The following CISTR variants were observed in gnomAD, a reference collection of about 807,000 sequenced individuals.
CISTR encodes chondrogenic regulator lncRNA.
chr12:53,754,952 C>T (rs1048091561), intron 1 of CISTR, among the ~76,000 whole-genome samples: 7 of 152,218 alleles, frequency 4.6e-5, no homozygotes, highest in African/African-American at 1.7e-4. Flanking sequence ...ACCCTGTCCT[C>T]TCCTGCCTTT....
Position 53,751,074 on chromosome 12 carries a change from A to ACACACTCACTCCTGCG in CISTR, n.415-125_415-110dup. Reference sequence around the variant, plus strand: ...CGGACACTCACACACACACACACGCACACACTCACTCCTGCGCACACAGGC... The same window carrying ACACACTCACTCCTGCG: ...CGGACACTCACACACACACACACGCACACACTCACTCCTGCGCACACTCACTCCTGCGCACACAGGC... On this transcript the variant is annotated intron_variant and non_coding_transcript_variant, in intron 1 of 2. Transcript: ENST00000669269. This position sits in a 1 kb window ranked among gnomAD's most constrained non-coding sequence, Gnocchi z 4.6. 1 of 152,848 alleles carries ACACACTCACTCCTGCG rather than the reference A, an allele frequency of 6.5e-6. No individual in the cohort carries two copies. Among genetic ancestry groups the ACACACTCACTCCTGCG allele is most frequent in the African/African-American group, 2.4e-5 (1 of 41,456 alleles). The allele number at this position is 152,848 out of a possible 1,614,324, so 9.5% of individuals were successfully genotyped here. A position where few individuals can be genotyped will look rare whatever the true frequency, so the allele number is the denominator to read the frequency against.
chr12:53,753,662 A>G (rs201999755), intron 1 of CISTR, among the ~76,000 whole-genome samples: 1 of 130,380 alleles, frequency 7.7e-6, no homozygotes, highest in East Asian at 2.2e-4. Flanking sequence ...AGGAATGCAT[A>G]GGGGTGTGTG....
chr12:53,749,823 G>A (rs993399656), intron 2 of CISTR, among the ~76,000 whole-genome samples: 2 of 152,162 alleles, frequency 1.3e-5, no homozygotes, highest in African/African-American at 4.8e-5. Context: ...GACCCAGCTG[G>A]GGAGCAGTAT....
intron 1 of CISTR, among the ~76,000 whole-genome samples, chr12:53,755,648 C>G (rs1236235119): frequency 6.6e-6 from 1 of 152,188 alleles, no homozygotes; most frequent in Non-Finnish European, 1.5e-5. Context: ...TAAGTGTCCA[C>G]AGGGGTGGGA....
Position 53,751,964 on chromosome 12 carries a change from C to A in CISTR, n.415-999G>T. 1 of 153,440 alleles carries A rather than the reference C, an allele frequency of 6.5e-6. No individual in the cohort carries two copies. 9.5% of individuals were successfully genotyped at this position (153,440 alleles called of 1,614,324 possible). A position where few individuals can be genotyped will look rare whatever the true frequency, so the allele number is the denominator to read the frequency against. ...TCTTTTTGCCGCAGTCTCCGTCTCTCTTCCACAGGGTCTCTCCCTCCCCCT... is the reference window on the plus strand; with the variant it reads ...TCTTTTTGCCGCAGTCTCCGTCTCTATTCCACAGGGTCTCTCCCTCCCCCT... On this transcript the variant is annotated intron_variant and non_coding_transcript_variant, in intron 1 of 2. Coordinates refer to ENST00000669269, the Ensembl canonical transcript of CISTR. The surrounding 1 kb of genome is among the most constrained non-coding windows in gnomAD (Gnocchi z 4.6).
At chr12:53,748,211 C>A (rs867515703) in intron 2 of CISTR, among the ~76,000 whole-genome samples, 18 of 152,192 alleles carry the variant, frequency 1.2e-4, no homozygotes, top group African/African-American at 4.3e-4. Flanking sequence ...GCATCCTAAT[C>A]AGCGCTGCGG....
chr12:53,756,379 AC>A lies in CISTR; in HGVS notation n.414+434del, dbSNP rs1222245415. 2.6e-5 allele frequency among the ~76,000 whole-genome samples: 4 copies of A among 152,208 alleles called. No homozygotes were observed. The highest frequency in any genetic ancestry group is 4.4e-5 in the Non-Finnish European group (3 of 68,030). ...TCTGATTATTGTAATAATAGATGAT[AC>A]CACAGGAAGGAACCTTGGAAATCAG... On this transcript the variant is annotated intron_variant and non_coding_transcript_variant, in intron 1 of 2. Transcript: ENST00000669269. This position sits in a 1 kb window ranked among gnomAD's most constrained non-coding sequence, Gnocchi z 4.0.
At chr12:53,755,602 A>AT (rs55666598) in intron 1 of CISTR, among the ~76,000 whole-genome samples, 1 of 151,828 alleles carries the variant, frequency 6.6e-6, no homozygotes. Context: ...CTTTAATTAC[A>AT]GTAAGCCCTG....
rs142323592 is a variant in CISTR, at chr12:53,751,178, GACAC to G, written n.415-217_415-214del. 2.0e-5 allele frequency among the ~76,000 whole-genome samples: 3 copies of G among 151,580 alleles called. No homozygotes were observed. The highest frequency in any genetic ancestry group is 4.8e-5 in the African/African-American group (2 of 41,296). ...GGCCCACAGGCCTCCGCACGCACAG[GACAC>G]ACACACACACTCTCTCCTGGCCTCC... On this transcript the variant is annotated intron_variant and non_coding_transcript_variant, in intron 1 of 2. Coordinates refer to ENST00000669269, the Ensembl canonical transcript of CISTR. The surrounding 1 kb of genome is among the most constrained non-coding windows in gnomAD (Gnocchi z 4.6).
intron 1 of CISTR, among the ~76,000 whole-genome samples, chr12:53,753,095 G>T (rs920693542): frequency 1.0e-5 from 1 of 98,396 alleles, no homozygotes; most frequent in African/African-American, 4.2e-5. Flanking sequence ...CACACAGAGA[G>T]AGACACACGT....
rs1309348887 is a variant in CISTR at position 53,748,160 on chromosome 12, T to A, written n.1064-1312A>T. Among the ~76,000 whole-genome samples the A allele has an allele frequency of 2.0e-5, 3 of 152,074 alleles. No individual in the cohort carries two copies. The East Asian group carries it at 5.8e-4, about 29-fold the overall frequency. On this transcript the variant is annotated intron_variant and non_coding_transcript_variant, in intron 2 of 2. Coordinates refer to ENST00000669269, the Ensembl canonical transcript of CISTR. ...GGATCTCCATTTGGAGTGTGGAGAA[T>A]GTTCGATGAGGAGGAGAATGCTGCA...
chr12:53,752,687 C>A (rs1485261602), intron 1 of CISTR, among the ~76,000 whole-genome samples: 1 of 152,172 alleles, frequency 6.6e-6, no homozygotes, highest in Non-Finnish European at 1.5e-5. Flanking sequence ...TTTATAGGCC[C>A]CCCAAAATTG....
At chr12:53,754,833 C>G (rs1937897807) in intron 1 of CISTR, among the ~76,000 whole-genome samples, 1 of 152,192 alleles carries the variant, frequency 6.6e-6, no homozygotes, top group Non-Finnish European at 1.5e-5. Context: ...GTGCATGTTT[C>G]AGCACTAAAA....
At chr12:53,753,061 C>CAT (rs1937875444) in intron 1 of CISTR, among the ~76,000 whole-genome samples, 3 of 120,534 alleles carry the variant, frequency 2.5e-5, no homozygotes, top group Non-Finnish European at 4.0e-5. Flanking sequence ...ATCACACACA[C>CAT]ACACACACAC....
At chr12:53,746,420 T>C (rs946357303) in exon 3 of CISTR, among the ~76,000 whole-genome samples, 44 of 151,842 alleles carry the variant, frequency 2.9e-4, no homozygotes, top group African/African-American at 9.7e-4. Context: ...AACCAAGAAG[T>C]CGTGGGTTCT....
intron 2 of CISTR, among the ~76,000 whole-genome samples, chr12:53,749,242 ACAGT>A (rs1361183379): frequency 1.3e-5 from 2 of 151,820 alleles, no homozygotes; most frequent in Non-Finnish European, 2.9e-5. Flanking sequence ...TTGGCAGAGG[ACAGT>A]CAGAGAAAGA....
At chr12:53,746,863 G>A (rs1355685292) in intron 2 of CISTR, among the ~76,000 whole-genome samples, 1 of 152,190 alleles carries the variant, frequency 6.6e-6, no homozygotes, top group Non-Finnish European at 1.5e-5. Flanking sequence ...TGGAAATTGC[G>A]TATATTACAA....
intron 1 of CISTR, among the ~76,000 whole-genome samples, chr12:53,752,969 C>G: frequency 6.6e-6 from 1 of 151,832 alleles, no homozygotes; most frequent in Non-Finnish European, 1.5e-5. Flanking sequence ...ATCTAGGAGT[C>G]CAGCTCCCCC....
intron 2 of CISTR, among the ~76,000 whole-genome samples, chr12:53,747,945 T>C (rs2120730548): frequency 1.3e-5 from 2 of 152,154 alleles, no homozygotes; most frequent in Middle Eastern, 6.8e-3. Flanking sequence ...CCAGTAAAGC[T>C]CCTCCAGTCG....
Sources: gnomAD v4.1 joint callset for allele counts (sites outside exome capture counted in the v4.1 genomes callset) on GRCh38, gnomAD v4.1.1 for gene constraint, Gnocchi (gnomAD v3.1) non-coding constraint, MANE v1.5 for transcripts, NCBI Gene and HGNC (gene_info 2026-07-23, HGNC 2026-07-21) for gene names.